The following TUSC3 variants were observed in gnomAD, a reference collection of about 807,000 sequenced individuals.
The protein encoded by TUSC3 is tumor suppressor candidate 3, also known as dolichyl-diphosphooligosaccharide--protein glycosyltransferase subunit TUSC3.
A neutral mutation model predicts 44.8 loss-of-function variants in TUSC3; 45 were observed. The ratio of observed to expected loss-of-function variants is 1.00; its 90% CI spans 0.79 to 1.29. TUSC3 has a LOEUF of 1.29. Among genes scored for constraint, TUSC3 ranks in the 50% most tolerant of loss-of-function variants. The pLI is 0.00. For synonymous variants in TUSC3, 212 were observed against 152.9 expected (o/e 1.39, Z -2.85); for missense variants, 519 against 437.9 (o/e 1.19, Z -1.65).
At chr8:15,581,567 A>G (rs4367537) in intron 1 of TUSC3, among the ~76,000 whole-genome samples, 4,757 of 147,184 alleles carry the variant, frequency 0.032, 181 homozygotes, top group Admixed American at 0.11. Flanking sequence ...GTCTGTTGGA[A>G]TACCCTGCAG....
chr8:15,486,201 T>C (rs1800730417), intron 2 of TUSC3, among the ~76,000 whole-genome samples: 1 of 152,198 alleles, frequency 6.6e-6, no homozygotes, highest in South Asian at 2.1e-4. Flanking sequence ...TGTTTGTTAT[T>C]TATGCAGCTA....
the TUSC3 span, chr8:15,807,279 C>T: frequency 1.7e-6 from 1 of 578,400 alleles, no homozygotes; most frequent in Non-Finnish European, 3.1e-6. Context: ...AAAGATGGTC[C>T]CATTATGTCA....
At chr8:15,655,839 T>C (rs1043408153) in intron 3 of TUSC3, among the ~76,000 whole-genome samples, 3 of 152,194 alleles carry the variant, frequency 2.0e-5, no homozygotes, top group Non-Finnish European at 4.4e-5. Context: ...AATACTGGTG[T>C]GTAGCCTTCC....
At chr8:15,840,898 T>C in the TUSC3 span, among the ~76,000 whole-genome samples, 3 of 152,172 alleles carry the variant, frequency 2.0e-5, no homozygotes, top group South Asian at 2.1e-4. Flanking sequence ...TAATGGCAAA[T>C]GCAGTGCTCA....
chr8:15,691,362 G>C (rs1162962390), intron 6 of TUSC3, among the ~76,000 whole-genome samples: 3 of 152,066 alleles, frequency 2.0e-5, no homozygotes, highest in African/African-American at 7.2e-5. Context: ...TGATTTACTA[G>C]CCTAAAACTT....
chr8:15,603,441 A>G (rs1032789461), intron 1 of TUSC3, among the ~76,000 whole-genome samples: 1 of 151,598 alleles, frequency 6.6e-6, no homozygotes, highest in Non-Finnish European at 1.5e-5. Flanking sequence ...CAGTTTGGCA[A>G]TATCTTGTAA....
intron 5 of TUSC3, among the ~76,000 whole-genome samples, chr8:15,670,172 C>T (rs1329119004): frequency 1.3e-5 from 2 of 151,670 alleles, no homozygotes; most frequent in African/African-American, 2.4e-5. Flanking sequence ...TAAAGATACT[C>T]GTCTTGATCT....
chr8:15,502,101 T>C (rs1800974587), intron 2 of TUSC3, among the ~76,000 whole-genome samples: 1 of 152,212 alleles, frequency 6.6e-6, no homozygotes, highest in African/African-American at 2.4e-5. Context: ...ACTTATGCTA[T>C]AACTTTTAGT....
chr8:15,705,849 C>T (rs1406570445), intron 6 of TUSC3, among the ~76,000 whole-genome samples: 1 of 152,034 alleles, frequency 6.6e-6, no homozygotes, highest in Non-Finnish European at 1.5e-5. Flanking sequence ...TGCTTTACAA[C>T]TTACATATTA....
chr8:15,621,202 G>A (rs1186827890), intron 1 of TUSC3, among the ~76,000 whole-genome samples: 1 of 151,604 alleles, frequency 6.6e-6, no homozygotes, highest in Non-Finnish European at 1.5e-5. Flanking sequence ...ATTTTAAAAT[G>A]TTTTCAAGGC....
Position 15,440,701 on chromosome 8 carries a change from T to G in TUSC3, n.91+23396T>G, listed in dbSNP as rs185494453. 2.5e-3 allele frequency among the ~76,000 whole-genome samples: 384 copies of G among 152,354 alleles called. 2 individuals are homozygous for G. The highest frequency in any genetic ancestry group is 8.7e-3 in the African/African-American group (363 of 41,586). ...ATATTTCCATGTGCGAGCTGGTTTG[T>G]GCATGTCAGTGTGAACTTCTCTAGA... On this transcript the variant is annotated intron_variant and non_coding_transcript_variant, in intron 1 of 5. Coordinates refer to the TUSC3 transcript ENST00000503191.
the TUSC3 span, among the ~76,000 whole-genome samples, chr8:15,780,439 C>T: frequency 6.6e-6 from 1 of 152,260 alleles, no homozygotes; most frequent in East Asian, 1.9e-4. Flanking sequence ...ACACAAGAGT[C>T]TCTAGACCAC....
At chr8:15,848,073 G>A in the TUSC3 span, among the ~76,000 whole-genome samples, 2 of 152,100 alleles carry the variant, frequency 1.3e-5, no homozygotes, top group African/African-American at 4.8e-5. Context: ...GGTACTGGAT[G>A]CATCCTCTTC....
At chr8:15,681,142 T>C (rs945956806) in intron 6 of TUSC3, among the ~76,000 whole-genome samples, 1 of 151,796 alleles carries the variant, frequency 6.6e-6, no homozygotes, top group Non-Finnish European at 1.5e-5. Context: ...TTTTTTTTTT[T>C]TGGAATAGTT....
At chr8:15,749,969 A>G (rs1399964161) in intron 9 of TUSC3, among the ~76,000 whole-genome samples, 4 of 149,526 alleles carry the variant, frequency 2.7e-5, no homozygotes, top group Non-Finnish European at 4.4e-5. Flanking sequence ...CTATACAGTA[A>G]GTGATACTGT....
At chr8:15,588,894 A>T (rs73193363) in intron 1 of TUSC3, among the ~76,000 whole-genome samples, 159 of 152,160 alleles carry the variant, frequency 1.0e-3, no homozygotes, top group African/African-American at 3.7e-3. Context: ...TGGATTGTCT[A>T]TTCTGTTCCA....
chr8:15,648,746 A>AAAAAAAAAAAAAAAAC (rs1806747826), intron 2 of TUSC3, among the ~76,000 whole-genome samples: 1 of 146,106 alleles, frequency 6.8e-6, no homozygotes, highest in Non-Finnish European at 1.5e-5. Flanking sequence ...AAAAAAAAAA[A>AAAAAAAAAAAAAAAAC]AAAAAAAAAA....
At chr8:15,737,172 T>C (rs554269604) in intron 7 of TUSC3, among the ~76,000 whole-genome samples, 3 of 152,110 alleles carry the variant, frequency 2.0e-5, no homozygotes, top group Non-Finnish European at 4.4e-5. Flanking sequence ...AGGAGAAACA[T>C]ACTATAGAAA....
intron 1 of TUSC3, among the ~76,000 whole-genome samples, chr8:15,480,451 T>C (rs949188125): frequency 6.6e-6 from 1 of 152,238 alleles, no homozygotes; most frequent in South Asian, 2.1e-4. Flanking sequence ...ACAACAGATA[T>C]GTACTTTCTC....
Sources: allele counts gnomAD v4.1 joint callset (sites outside exome capture counted in the v4.1 genomes callset), GRCh38; gene constraint gnomAD v4.1.1; transcripts MANE v1.5; gene names NCBI Gene and HGNC (gene_info 2026-07-23, HGNC 2026-07-21).